The following ZNF626 variants were observed in gnomAD, a reference collection of about 807,000 sequenced individuals.
The protein encoded by ZNF626 is zinc finger protein 626, also known as CTC-513N18.7.
In ZNF626, 4 loss-of-function variants were observed where a neutral mutation model predicts 11.7. The ratio of observed to expected loss-of-function variants is 0.34; its 90% CI spans 0.17 to 0.78. The LOEUF (loss-of-function observed/expected upper bound fraction) is 0.78. Among genes scored for constraint, ZNF626 ranks in the 30% least tolerant of loss-of-function variants. ZNF626 has a pLI of 0.57. For synonymous variants in ZNF626, 179 were observed against 198.6 expected, an observed-to-expected ratio of 0.90 and a Z score of 0.83; for missense variants, 588 against 587.1, an observed-to-expected ratio of 1.00 and a Z score of -0.01.
At chr19:20,626,994 G>A (rs1969842816) in intron 3 of ZNF626, among the ~76,000 whole-genome samples, 1 of 151,860 alleles carries the variant, frequency 6.6e-6, no homozygotes, top group Non-Finnish European at 1.5e-5. Context: ...CAGAGCCTGG[G>A]TGACAGAAAA....
intron 3 of ZNF626, among the ~76,000 whole-genome samples, chr19:20,641,198 T>A (rs1360035869): frequency 2.7e-5 from 4 of 150,428 alleles, no homozygotes; most frequent in African/African-American, 7.3e-5. Flanking sequence ...ATCTTTATTA[T>A]ACCAGTATTC....
intron 3 of ZNF626, among the ~76,000 whole-genome samples, chr19:20,637,018 C>CAAAAAAA (rs74172354): frequency 4.4e-4 from 26 of 58,744 alleles, no homozygotes; most frequent in African/African-American, 1.3e-3. Flanking sequence ...GACTCCATCT[C>CAAAAAAA]AAAAAAAAAA....
intron 3 of ZNF626, among the ~76,000 whole-genome samples, chr19:20,627,391 T>C (rs1353350090): frequency 6.6e-6 from 1 of 152,116 alleles, no homozygotes; most frequent in Non-Finnish European, 1.5e-5. Context: ...TTGGATCTTT[T>C]AGAGGTTTTA....
intron 1 of ZNF626, among the ~76,000 whole-genome samples, chr19:20,653,899 G>C (rs1433957486): frequency 3.3e-5 from 5 of 152,042 alleles, no homozygotes; most frequent in Admixed American, 3.3e-4. Context: ...TAGTTTTTGG[G>C]TGGCCACATC....
chr19:20,627,668 T>C (rs1288758200), intron 3 of ZNF626, among the ~76,000 whole-genome samples: 1 of 152,110 alleles, frequency 6.6e-6, no homozygotes, highest in Non-Finnish European at 1.5e-5. Flanking sequence ...ATTAAAAAAT[T>C]TTAAAAATCA....
intron 1 of ZNF626, among the ~76,000 whole-genome samples, chr19:20,650,323 T>A (rs1316896342): frequency 2.0e-5 from 3 of 152,244 alleles, no homozygotes; most frequent in Non-Finnish European, 4.4e-5. Flanking sequence ...TTTAATGTAG[T>A]TCAGAGAAAA....
intron 3 of ZNF626, among the ~76,000 whole-genome samples, chr19:20,636,464 A>C (rs1213775026): frequency 1.3e-5 from 2 of 152,054 alleles, no homozygotes; most frequent in African/African-American, 2.4e-5. Flanking sequence ...ATTACAAAAA[A>C]ATTAAAACAT....
intron 3 of ZNF626, among the ~76,000 whole-genome samples, chr19:20,637,050 A>G (rs797040472): frequency 6.7e-6 from 1 of 149,150 alleles, no homozygotes; most frequent in African/African-American, 2.5e-5. Flanking sequence ...GCCCAGTGCA[A>G]TGGTGCCCAC....
chr19:20,626,425 A>G (rs539559372), intron 3 of ZNF626, among the ~76,000 whole-genome samples: 14 of 152,354 alleles, frequency 9.2e-5, no homozygotes, highest in Middle Eastern at 3.4e-3. Flanking sequence ...AAAATTCCCA[A>G]TAAGTTGTAC....
At chr19:20,643,804 T>C (rs929894324) in intron 3 of ZNF626, among the ~76,000 whole-genome samples, 6 of 152,198 alleles carry the variant, frequency 3.9e-5, no homozygotes, top group Admixed American at 6.5e-5. Context: ...CTTGGTTATG[T>C]AGCAAGACGT....
At chr19:20,646,669 T>C (rs552223665) in intron 1 of ZNF626, among the ~76,000 whole-genome samples, 32 of 152,322 alleles carry the variant, frequency 2.1e-4, no homozygotes, top group African/African-American at 6.7e-4. Context: ...AACAGGAACA[T>C]GTAAATTTTT....
At chr19:20,638,431 A>AAATAAATC (rs1969988783) in intron 3 of ZNF626, among the ~76,000 whole-genome samples, 5 of 149,768 alleles carry the variant, frequency 3.3e-5, no homozygotes, top group Non-Finnish European at 7.4e-5. Flanking sequence ...ATGTCTAAAT[A>AAATAAATC]AATAAATAAA....
chr19:20,659,912 G>C (rs1288169683), intron 1 of ZNF626, among the ~76,000 whole-genome samples: 1 of 151,958 alleles, frequency 6.6e-6, no homozygotes, highest in Non-Finnish European at 1.5e-5. Flanking sequence ...TCCGTGGCTG[G>C]GGTGAGCAGT....
chr19:20,624,638 A>G lies in ZNF626; in HGVS notation c.1239T>C (p.Thr413=). ...GKAFKYSSNL[T]THKKIHTGER... Reference sequence around the variant, plus strand: ...CTCCAGTATGAATTTTCTTATGTGTAGTAAGGTTAGAGGAGTACTTAAAAG... The same window carrying G: ...CTCCAGTATGAATTTTCTTATGTGTGGTAAGGTTAGAGGAGTACTTAAAAG... The change falls in exon 4 of 4, where the codon ACT becomes ACC. Residue 413 remains threonine (T), a synonymous_variant. Transcript: ENST00000601440. The G allele has an allele frequency of 6.3e-7, 1 of 1,590,842 alleles. No individual in the cohort carries two copies. Among genetic ancestry groups the G allele is most frequent in the Non-Finnish European group, 8.6e-7 (1 of 1,164,324 alleles).
intron 1 of ZNF626, among the ~76,000 whole-genome samples, chr19:20,653,974 G>C (rs797027070): frequency 2.6e-5 from 4 of 152,254 alleles, no homozygotes; most frequent in African/African-American, 9.6e-5. Flanking sequence ...TACTAAAATT[G>C]TGTTTCCTCA....
Position 20,646,394 on chromosome 19 carries a change from T to C in ZNF626, c.15A>G (p.Gln5=), listed in dbSNP as rs1555771919. The change falls in exon 2 of 4, where the codon CAA becomes CAG. Residue 5 remains glutamine, a synonymous_variant. Transcript: ENST00000601440. ...AGAATTCTATGGCCACATCTCTAAATTGCAATGGTCCCTGAAAAACACACA... is the reference window on the plus strand; with the variant it reads ...AGAATTCTATGGCCACATCTCTAAACTGCAATGGTCCCTGAAAAACACACA... MGPL[Q]FRDVAIEFSL... is the part of the protein sequence containing the mutation. 5 of 1,613,938 alleles carry C rather than the reference T, an allele frequency of 3.1e-6. No homozygotes were observed. The highest frequency in any genetic ancestry group is 2.2e-5 in the South Asian group (2 of 91,062).
Position 20,620,067 on chromosome 19 carries a change from A to G in ZNF626, c.*4223T>C, listed in dbSNP as rs1969740341. On this transcript the variant is annotated 3_prime_UTR_variant, in exon 4 of 4. Coordinates refer to ENST00000601440, the MANE Select transcript of ZNF626 (RefSeq NM_001076675.3). ...ACATAGAACAATAAAAATGTATCCA[A>G]TTATTCAATTTTGGTTAAATTTTTA... 6.6e-6 allele frequency: 1 copy of G among 152,176 alleles called. No homozygotes were observed. The highest frequency in any genetic ancestry group is 2.4e-5 in the African/African-American group (1 of 41,428). 9.4% of individuals were successfully genotyped at this position (152,176 alleles called of 1,614,324 possible).
intron 3 of ZNF626, among the ~76,000 whole-genome samples, chr19:20,638,423 G>C (rs1295311232): frequency 2.3e-5 from 1 of 44,392 alleles, no homozygotes; most frequent in Non-Finnish European, 3.8e-5. Flanking sequence ...AAAACTGCAT[G>C]TCTAAATAAA....
In ZNF626 at chr19:20,661,472, T is replaced by C; in HGVS notation, c.-26A>G. The stretch of plus-strand genomic sequence containing the variant: ...TTTTGGCTTCCAGGAGGTCCCGGTG[T>C]CTTAGCTGTGGATCTCCCAATACCT... On this transcript the variant is annotated 5_prime_UTR_variant, in exon 1 of 4. Coordinates refer to ENST00000601440, the MANE Select transcript of ZNF626 (RefSeq NM_001076675.3). 6.2e-7 allele frequency: 1 copy of C among 1,613,340 alleles called. No homozygotes were observed. Among genetic ancestry groups the C allele is most frequent in the Non-Finnish European group, 8.5e-7 (1 of 1,179,560 alleles).
Sources: allele counts gnomAD v4.1 joint callset (sites outside exome capture counted in the v4.1 genomes callset), GRCh38; gene constraint gnomAD v4.1.1; transcripts MANE v1.5; gene names NCBI Gene and HGNC (gene_info 2026-07-23, HGNC 2026-07-21).